NRG3: variants seen among roughly 807,000 people sequenced by gnomAD.
NRG3 encodes pro-neuregulin-3, membrane-bound isoform.
NRG3 carries 31 observed loss-of-function variants against 66.9 expected under a neutral mutation model. The observed-to-expected ratio is 0.46, with a 90% CI of 0.35 to 0.63. The LOEUF (loss-of-function observed/expected upper bound fraction) is 0.63, where lower values mean the gene tolerates loss of function less well. Among genes scored for constraint, NRG3 ranks in the 20% least tolerant of loss-of-function variants. NRG3 has a pLI of 0.00. For synonymous variants in NRG3, 393 were observed against 359.4 expected (o/e 1.09, Z -1.06); for missense variants, 910 against 878.9 (o/e 1.04, Z -0.45).
intron 3 of NRG3, among the ~76,000 whole-genome samples, chr10:82,819,794 G>C (rs2061866591): frequency 6.6e-6 from 1 of 152,164 alleles, no homozygotes; most frequent in South Asian, 2.1e-4. Flanking sequence ...ACATGCTTTG[G>C]CATCCAGTAC....
At chr10:82,439,761 A>G (rs1042777677) in intron 2 of NRG3, among the ~76,000 whole-genome samples, 1 of 151,998 alleles carries the variant, frequency 6.6e-6, no homozygotes, top group African/African-American at 2.4e-5. Flanking sequence ...TAATTTGGTC[A>G]TGGTGTTTTA....
Position 81,932,210 on chromosome 10 carries a change from AAGAG to A in NRG3, c.823+56061_823+56064del, listed in dbSNP as rs55799004. Among the ~76,000 whole-genome samples the A allele has an allele frequency of 3.3e-3, 480 of 143,456 alleles. 4 individuals carry two copies. The highest frequency in any genetic ancestry group is 0.011 in the African/African-American group (403 of 37,782). The allele number at this position is 143,456 out of a possible 152,430, so 94.1% of individuals were successfully genotyped here. ...GAGAGAGGAGAGAGAGATTGAGAGA[AAGAG>A]AGAGAGAGAGAGATTGAGAGAGAGG... On this transcript the variant is annotated intron_variant, in intron 1 of 8. Coordinates refer to ENST00000372141, the MANE Select transcript of NRG3 (RefSeq NM_001010848.4).
intron 2 of NRG3, among the ~76,000 whole-genome samples, chr10:82,504,099 CATT>C (rs776007578): frequency 6.6e-5 from 10 of 152,254 alleles, no homozygotes; most frequent in Non-Finnish European, 1.3e-4. Context: ...TTGATTGTGA[CATT>C]ATAGTAAGCT....
intron 1 of NRG3, among the ~76,000 whole-genome samples, chr10:82,047,926 A>T (rs1489571956): frequency 6.6e-6 from 1 of 152,066 alleles, no homozygotes; most frequent in Non-Finnish European, 1.5e-5. Flanking sequence ...AATGGAAAAC[A>T]AAAAAAGGCA....
In NRG3 at chr10:82,132,468, G is replaced by GAT. The variant is rs1214093251; in HGVS notation, c.824-226262_824-226261dup. Among the ~76,000 whole-genome samples, 42 of 119,900 alleles carry GAT rather than the reference G, an allele frequency of 3.5e-4. 2 individuals carry two copies. The highest frequency in any genetic ancestry group is 4.0e-3 in the Middle Eastern group (1 of 250). The allele number at this position is 119,900 out of a possible 152,430, so 78.7% of individuals were successfully genotyped here. On this transcript the variant is annotated intron_variant, in intron 1 of 8. Coordinates refer to ENST00000372141, the MANE Select transcript of NRG3 (RefSeq NM_001010848.4). ...TCTTTTATATATATATGATATATAT[G>GAT]ATATATATATGATATATATATATGA...
At chr10:82,978,113 C>T (rs1852476575) in intron 7 of NRG3, among the ~76,000 whole-genome samples, 1 of 152,090 alleles carries the variant, frequency 6.6e-6, no homozygotes, top group Admixed American at 6.5e-5. Context: ...CAAAGTTCTC[C>T]TCACCAGTCT....
At chr10:82,323,389 T>C (rs1358713174) in intron 1 of NRG3, among the ~76,000 whole-genome samples, 1 of 152,082 alleles carries the variant, frequency 6.6e-6, no homozygotes, top group Non-Finnish European at 1.5e-5. Context: ...CAAAGAAAAA[T>C]AAATTGAAAT....
At chr10:81,956,964 C>T (rs1273858848) in intron 1 of NRG3, among the ~76,000 whole-genome samples, 1 of 152,224 alleles carries the variant, frequency 6.6e-6, no homozygotes, top group Non-Finnish European at 1.5e-5. Flanking sequence ...AGATAGCTAA[C>T]AGCAGAATAC....
At chr10:82,572,163 T>A (rs1358460608) in intron 2 of NRG3, among the ~76,000 whole-genome samples, 1 of 151,778 alleles carries the variant, frequency 6.6e-6, no homozygotes, top group African/African-American at 2.4e-5. Context: ...TACTTGAACA[T>A]ATTTAATATT....
At chr10:82,704,947 A>G (rs2056175533) in intron 2 of NRG3, among the ~76,000 whole-genome samples, 1 of 152,206 alleles carries the variant, frequency 6.6e-6, no homozygotes, top group Non-Finnish European at 1.5e-5. Context: ...ACATACACCT[A>G]TCTTGTGCCT....
At chr10:82,267,550 G>T (rs991193538) in intron 1 of NRG3, among the ~76,000 whole-genome samples, 3 of 152,168 alleles carry the variant, frequency 2.0e-5, no homozygotes, top group African/African-American at 7.2e-5. Context: ...CTCTGCTCTG[G>T]CTGCTGTTTC....
intron 2 of NRG3, among the ~76,000 whole-genome samples, chr10:82,367,601 C>T (rs1386388957): frequency 6.6e-6 from 1 of 152,050 alleles, no homozygotes; most frequent in Non-Finnish European, 1.5e-5. Flanking sequence ...CTTGCAGACT[C>T]TTTAAAAAGT....
chr10:81,900,688 T>G (rs917182424), intron 1 of NRG3, among the ~76,000 whole-genome samples: 1 of 152,242 alleles, frequency 6.6e-6, no homozygotes, highest in African/African-American at 2.4e-5. Context: ...TTGTATGTTT[T>G]ATAGGTATGA....
In NRG3 at chr10:82,471,371, T is replaced by G. The variant is rs148650698; in HGVS notation, c.953+112503T>G. 3.6e-3 allele frequency among the ~76,000 whole-genome samples: 546 copies of G among 152,188 alleles called. 2 individuals are homozygous for G. Among genetic ancestry groups the G allele is most frequent in the African/African-American group, 0.013 (526 of 41,524 alleles). On this transcript the variant is annotated intron_variant, in intron 2 of 8. Coordinates refer to ENST00000372141, the MANE Select transcript of NRG3 (RefSeq NM_001010848.4). ...AGGCTCTCTGGGGATCTCTTTAAAC[T>G]TGGCTGTCTCACTCTCTGTTACCTG...
intron 1 of NRG3, among the ~76,000 whole-genome samples, chr10:82,327,493 G>A (rs991743911): frequency 1.3e-5 from 2 of 152,118 alleles, no homozygotes; most frequent in Admixed American, 1.3e-4. Context: ...CTTCACTATT[G>A]TAATGATCTT....
At chr10:82,639,763 T>A (rs1009748583) in intron 2 of NRG3, among the ~76,000 whole-genome samples, 2 of 152,196 alleles carry the variant, frequency 1.3e-5, no homozygotes, top group Admixed American at 6.6e-5. Context: ...AGAGCCCTGA[T>A]TATTTTTTTA....
intron 1 of NRG3, among the ~76,000 whole-genome samples, chr10:82,017,292 C>T (rs886960047): frequency 6.6e-6 from 1 of 152,156 alleles, no homozygotes; most frequent in East Asian, 1.9e-4. Flanking sequence ...GCATAGTATT[C>T]CATGGTGTAT....
At chr10:82,649,027 G>A (rs570270957) in intron 2 of NRG3, among the ~76,000 whole-genome samples, 1 of 152,188 alleles carries the variant, frequency 6.6e-6, no homozygotes, top group East Asian at 1.9e-4. Flanking sequence ...ATACCGAATG[G>A]GCAAAAACTG....
intron 2 of NRG3, among the ~76,000 whole-genome samples, chr10:82,662,081 C>T (rs1314950796): frequency 6.6e-6 from 1 of 152,122 alleles, no homozygotes; most frequent in Non-Finnish European, 1.5e-5. Context: ...CCATTGTTGG[C>T]GATATTGATG....
Sources: allele counts gnomAD v4.1 joint callset (sites outside exome capture counted in the v4.1 genomes callset), GRCh38; gene constraint gnomAD v4.1.1; transcripts MANE v1.5; gene names NCBI Gene and HGNC (gene_info 2026-07-23, HGNC 2026-07-21).